The following ALCAM variants were observed in gnomAD, a reference collection of about 807,000 sequenced individuals.
ALCAM encodes the protein CD166 antigen.
In ALCAM, 30 loss-of-function variants were observed where a neutral mutation model predicts 70.9. The ratio of observed to expected loss-of-function variants is 0.42; its 90% CI spans 0.32 to 0.57. The LOEUF (loss-of-function observed/expected upper bound fraction) is 0.57. Ranked by LOEUF, ALCAM falls within the 20% of genes least tolerant of loss-of-function variation. The pLI is 0.11. For missense variants in ALCAM, 591 were observed against 695.1 expected, an observed-to-expected ratio of 0.85 and a Z score of 1.68; for synonymous variants, 249 against 242.5, an observed-to-expected ratio of 1.03 and a Z score of -0.25.
intron 1 of ALCAM, among the ~76,000 whole-genome samples, chr3:105,438,302 A>G (rs1009965102): frequency 6.6e-6 from 1 of 152,060 alleles, no homozygotes; most frequent in African/African-American, 2.4e-5. Flanking sequence ...TAATTCCCCC[A>G]TATTGCTGAC....
At chr3:105,427,838 T>C (rs1023183409) in intron 1 of ALCAM, among the ~76,000 whole-genome samples, 2 of 151,896 alleles carry the variant, frequency 1.3e-5, no homozygotes, top group African/African-American at 4.8e-5. Context: ...AACCACTATA[T>C]GCACAAAGTT....
At chr3:105,500,259 T>C (rs576053996) in intron 1 of ALCAM, among the ~76,000 whole-genome samples, 1 of 152,168 alleles carries the variant, frequency 6.6e-6, no homozygotes, top group Non-Finnish European at 1.5e-5. Flanking sequence ...CCTGTAAGCC[T>C]GCCTGCCTTC....
chr3:105,452,903 C>G (rs531190836), intron 1 of ALCAM, among the ~76,000 whole-genome samples: 1 of 151,050 alleles, frequency 6.6e-6, no homozygotes, highest in South Asian at 2.1e-4. Flanking sequence ...ACCCTTTGCC[C>G]GCTTTTTGAT....
At chr3:105,484,756 A>G (rs932853270) in intron 1 of ALCAM, among the ~76,000 whole-genome samples, 2 of 152,240 alleles carry the variant, frequency 1.3e-5, no homozygotes, top group Admixed American at 6.6e-5. Context: ...CCATTTGCTC[A>G]GGTTAATATG....
intron 3 of ALCAM, 108 bp from the exon 4 acceptor site, chr3:105,531,894 G>A: frequency 1.1e-6 from 1 of 890,474 alleles, no homozygotes; most frequent in South Asian, 1.4e-5. Flanking sequence ...TTATTCTGTT[G>A]CTTATTCTTC....
intron 14 of ALCAM, among the ~76,000 whole-genome samples, chr3:105,561,258 C>T (rs1406034207): frequency 6.6e-6 from 1 of 151,942 alleles, no homozygotes; most frequent in African/African-American, 2.4e-5. Flanking sequence ...ACTAAATTAC[C>T]TTGTTAGTAG....
At chr3:105,547,647 C>T (rs967694197) in intron 11 of ALCAM, 124 bp downstream of exon 11, 22 of 1,208,586 alleles carry the variant, frequency 1.8e-5, no homozygotes, top group Non-Finnish European at 2.3e-5. Flanking sequence ...TGGTTTGTTA[C>T]CACATAGAAT....
intron 1 of ALCAM, among the ~76,000 whole-genome samples, chr3:105,389,593 T>C (rs946741983): frequency 6.6e-6 from 1 of 151,508 alleles, no homozygotes; most frequent in Admixed American, 6.6e-5. Context: ...TTTAATTTTA[T>C]TTTAAGTTCC....
intron 1 of ALCAM, among the ~76,000 whole-genome samples, chr3:105,368,377 G>C (rs938172502): frequency 6.6e-5 from 10 of 152,082 alleles, no homozygotes; most frequent in African/African-American, 2.4e-4. Flanking sequence ...GACACAAGTT[G>C]TTCTAACAGG....
chr3:105,379,271 A>G (rs1935453910), intron 1 of ALCAM, among the ~76,000 whole-genome samples: 1 of 151,898 alleles, frequency 6.6e-6, no homozygotes, highest in African/African-American at 2.4e-5. Flanking sequence ...CATCAGAAAA[A>G]CTTGTGAAAT....
intron 1 of ALCAM, among the ~76,000 whole-genome samples, chr3:105,519,699 A>T (rs1036586022): frequency 6.6e-6 from 1 of 152,154 alleles, no homozygotes; most frequent in African/African-American, 2.4e-5. Context: ...GTAGTCCCAC[A>T]TTTCTATAAA....
chr3:105,437,770 A>C (rs1937083981), intron 1 of ALCAM, among the ~76,000 whole-genome samples: 1 of 152,076 alleles, frequency 6.6e-6, no homozygotes, highest in Non-Finnish European at 1.5e-5. Flanking sequence ...ATAGTGTAAA[A>C]CTCCTTTTAA....
chr3:105,372,534 C>A (rs975149238), intron 1 of ALCAM, among the ~76,000 whole-genome samples: 1 of 152,052 alleles, frequency 6.6e-6, no homozygotes, highest in Non-Finnish European at 1.5e-5. Flanking sequence ...AGTCAGTTCT[C>A]AATTATCCAT....
chr3:105,511,772 T>C (rs1198130790), intron 1 of ALCAM, among the ~76,000 whole-genome samples: 1 of 152,026 alleles, frequency 6.6e-6, no homozygotes, highest in Non-Finnish European at 1.5e-5. Context: ...TCAACTGATA[T>C]AAACATTTTT....
intron 2 of ALCAM, among the ~76,000 whole-genome samples, chr3:105,523,814 C>G (rs943702695): frequency 1.3e-5 from 2 of 152,182 alleles, no homozygotes; most frequent in African/African-American, 4.8e-5. Context: ...TAAAGGTCAG[C>G]TACATCAGTT....
Position 105,407,819 on chromosome 3 carries a change from A to G in ALCAM, c.73+40338A>G, listed in dbSNP as rs1035445510. Among the ~76,000 whole-genome samples the G allele has an allele frequency of 5.3e-5, 8 of 152,080 alleles. 1 individual carries two copies. The highest frequency in any genetic ancestry group is 1.9e-4 in the African/African-American group (8 of 41,444). ...GTTATATATCTAGAAAATCCTAAAG[A>G]CTTATTAAGATCCTAGAACTGGTAA... On this transcript the variant is annotated intron_variant, in intron 1 of 15. Transcript: ENST00000306107.
Position 105,552,570 on chromosome 3 carries a change from A to G in ALCAM, c.1649A>G (p.Tyr550Cys). 1 of 1,611,498 alleles carries G rather than the reference A, an allele frequency of 6.2e-7. No individual in the cohort carries two copies. The highest frequency in any genetic ancestry group is 1.7e-4 in the Middle Eastern group (1 of 6,050). ...GTTGCTGGTGTCGTCTACTGGCTGT[A>G]CATGAAGAAGTCAAAGTGAGTTGTG... ...ALVAGVVYWL[Y>C]MKKSKTASKH... The change falls in exon 14 of 16, where the codon TAC becomes TGC. Residue 550 changes from tyrosine (Y) to cysteine (C), a missense_variant. By Grantham distance (194) the Tyr-to-Cys change is radical (BLOSUM62 -2). Coordinates refer to ENST00000306107, the MANE Select transcript of ALCAM (RefSeq NM_001627.4).
chr3:105,564,204 A>G (rs1203693866), intron 14 of ALCAM, among the ~76,000 whole-genome samples: 1 of 152,156 alleles, frequency 6.6e-6, no homozygotes, highest in Non-Finnish European at 1.5e-5. Context: ...TTGTTTAAAT[A>G]TTCTTACCCT....
chr3:105,481,139 A>G (rs991362160), intron 1 of ALCAM, among the ~76,000 whole-genome samples: 17 of 152,024 alleles, frequency 1.1e-4, no homozygotes, highest in African/African-American at 4.1e-4. Flanking sequence ...GAAAAGTGAA[A>G]TGTATCTTTT....
Sources: allele counts gnomAD v4.1 joint callset (sites outside exome capture counted in the v4.1 genomes callset), GRCh38; gene constraint gnomAD v4.1.1; transcripts MANE v1.5; gene names NCBI Gene and HGNC (gene_info 2026-07-23, HGNC 2026-07-21).